ANO4: variants seen among roughly 807,000 people sequenced by gnomAD.
ANO4 encodes the protein anoctamin 4.
Under a neutral mutation model 141.9 loss-of-function variants are expected in ANO4, and 69 were observed. The observed-to-expected ratio is 0.49, with a 90% CI of 0.40 to 0.59. The LOEUF (loss-of-function observed/expected upper bound fraction) is 0.59. Ranked by LOEUF, ANO4 falls within the 20% of genes least tolerant of loss-of-function variation. ANO4 has a pLI of 0.00. For synonymous variants in ANO4, 350 were observed against 394.3 expected (o/e 0.89, Z 1.33); for missense variants, 894 against 1,162.2 (o/e 0.77, Z 3.36).
chr12:100,735,161 A>C (rs1321983425), intron 2 of ANO4, among the ~76,000 whole-genome samples: 2 of 152,188 alleles, frequency 1.3e-5, no homozygotes, highest in Non-Finnish European at 2.9e-5. Context: ...TTTGCCATGA[A>C]TGTACCTCGG....
At chr12:101,051,177 A>G (rs2047852764) in intron 14 of ANO4, among the ~76,000 whole-genome samples, 1 of 152,150 alleles carries the variant, frequency 6.6e-6, no homozygotes, top group African/African-American at 2.4e-5. Context: ...GTTTTATGTT[A>G]TAGATGACAA....
intron 24 of ANO4, among the ~76,000 whole-genome samples, chr12:101,113,287 T>A (rs1365896825): frequency 2.6e-5 from 4 of 152,196 alleles, no homozygotes; most frequent in Non-Finnish European, 4.4e-5. Flanking sequence ...AAATCTATCT[T>A]GTTTTAGGGG....
intron 1 of ANO4, among the ~76,000 whole-genome samples, chr12:100,814,188 T>C (rs7136399): frequency 0.036 from 5,449 of 152,270 alleles, 310 homozygotes; most frequent in African/African-American, 0.12. Context: ...AATTTTTTTG[T>C]GGTGCCTTAT....
intron 1 of ANO4, among the ~76,000 whole-genome samples, chr12:100,898,916 A>T (rs1435426374): frequency 1.3e-5 from 2 of 152,168 alleles, no homozygotes; most frequent in Middle Eastern, 3.4e-3. Flanking sequence ...ATTCTTCTGG[A>T]GTCTTGATGG....
chr12:100,987,447 T>C, intron 7 of ANO4, 92 bp from the exon 8 acceptor site: 1 of 1,484,980 alleles, frequency 6.7e-7, no homozygotes, highest in Non-Finnish European at 9.2e-7. Flanking sequence ...ATGTGTGGTA[T>C]GATAGTTGTG....
intron 8 of ANO4, among the ~76,000 whole-genome samples, chr12:100,994,944 T>G (rs2045302317): frequency 6.6e-6 from 1 of 152,144 alleles, no homozygotes; most frequent in Non-Finnish European, 1.5e-5. Flanking sequence ...GACTAGTGTC[T>G]AACGTGTAGA....
At chr12:100,807,185 G>A (rs900678225) in intron 1 of ANO4, among the ~76,000 whole-genome samples, 1 of 152,118 alleles carries the variant, frequency 6.6e-6, no homozygotes, top group African/African-American at 2.4e-5. Context: ...AACATTTCAG[G>A]CACGATGTGT....
At chr12:101,126,814 C>G in intron 26 of ANO4, 65 bp from the exon 27 acceptor site, 1 of 1,462,452 alleles carries the variant, frequency 6.8e-7, no homozygotes, top group Non-Finnish European at 9.4e-7. Context: ...CTTCTTCAGC[C>G]AACTCTCTAA....
chr12:100,899,999 A>G (rs969089971), intron 1 of ANO4, among the ~76,000 whole-genome samples: 21 of 152,190 alleles, frequency 1.4e-4, no homozygotes, highest in Non-Finnish European at 2.4e-4. Context: ...TCCAATACTT[A>G]AGACATACCT....
At position 100,736,797 on chromosome 12, in the gene ANO4, GAT is replaced by G. The variant is rs534364773; in HGVS notation, c.106+2943_106+2944del. ...AGAGCTGTGTGATGGCAGAGGCAGAGATATGAGTGATGCATCTCCAAGCCAAG... is the reference window on the plus strand; with the variant it reads ...AGAGCTGTGTGATGGCAGAGGCAGAGATGAGTGATGCATCTCCAAGCCAAG... On this transcript the variant is annotated intron_variant, in intron 2 of 29. Transcript: ENST00000644049. Among the ~76,000 whole-genome samples, 330 of 152,242 alleles carry G rather than the reference GAT, an allele frequency of 2.2e-3. 1 individual carries two copies. Among genetic ancestry groups the G allele is most frequent in the African/African-American group, 7.5e-3 (311 of 41,554 alleles).
At chr12:100,766,143 A>G (rs1291700059) in intron 3 of ANO4, among the ~76,000 whole-genome samples, 1 of 152,094 alleles carries the variant, frequency 6.6e-6, no homozygotes, top group African/African-American at 2.4e-5. Flanking sequence ...TGCTTGGCTT[A>G]TTTTACCTAG....
intron 10 of ANO4, among the ~76,000 whole-genome samples, chr12:101,039,510 A>T (rs1402452349): frequency 6.6e-6 from 1 of 152,234 alleles, no homozygotes; most frequent in Non-Finnish European, 1.5e-5. Flanking sequence ...GTCTCAAAAA[A>T]TAAACAAATA....
rs139974519 is a variant in ANO4 at position 101,080,497 on chromosome 12, G to A, written c.1395+1222G>A. 1.9e-3 allele frequency among the ~76,000 whole-genome samples: 291 copies of A among 152,072 alleles called. 4 individuals are homozygous for A. Among genetic ancestry groups the A allele is most frequent in the African/African-American group, 6.5e-3 (270 of 41,480 alleles). ...TATAAATATTCTCCAGGCCAGGTGC[G>A]GTTGCTCACACCTGTAATCCCAGCA... On this transcript the variant is annotated intron_variant, in intron 15 of 27. Transcript: ENST00000392977.
chr12:100,985,351 CAG>C (rs1255725333), intron 7 of ANO4, among the ~76,000 whole-genome samples: 3 of 152,114 alleles, frequency 2.0e-5, no homozygotes, highest in Non-Finnish European at 4.4e-5. Context: ...AAGAGAAAAA[CAG>C]TAATAATAGC....
intron 1 of ANO4, among the ~76,000 whole-genome samples, chr12:100,853,169 G>T (rs1378832054): frequency 6.6e-6 from 1 of 152,078 alleles, no homozygotes; most frequent in Non-Finnish European, 1.5e-5. Context: ...ATATGAAGAG[G>T]TTGTTTATAT....
rs188146182 is a variant in ANO4 at position 101,047,444 on chromosome 12, A to G, written c.1252-897A>G. 3.1e-3 allele frequency among the ~76,000 whole-genome samples: 476 copies of G among 152,292 alleles called. 3 individuals carry two copies. The highest frequency in any genetic ancestry group is 0.011 in the African/African-American group (458 of 41,556). ...TTTGAGTGCTGCCCATCTCTCCTCTATTCAAAGAAAGAGAAACTTCTGGAA... is the reference window on the plus strand; with the variant it reads ...TTTGAGTGCTGCCCATCTCTCCTCTGTTCAAAGAAAGAGAAACTTCTGGAA... On this transcript the variant is annotated intron_variant, in intron 13 of 27. Coordinates refer to ENST00000392977, the MANE Select transcript of ANO4 (RefSeq NM_001286615.2).
intron 15 of ANO4, among the ~76,000 whole-genome samples, chr12:101,082,141 G>A (rs182093403): frequency 6.6e-6 from 1 of 152,238 alleles, no homozygotes; most frequent in Non-Finnish European, 1.5e-5. Context: ...CCTGGTGGGA[G>A]GTAATTGAAT....
chr12:101,022,143 T>C (rs1387599855), intron 9 of ANO4, among the ~76,000 whole-genome samples: 4 of 151,934 alleles, frequency 2.6e-5, no homozygotes, highest in Non-Finnish European at 5.9e-5. Context: ...TGATTACAAC[T>C]GGAATATTAT....
chr12:100,818,766 T>A (rs952781920), intron 1 of ANO4, among the ~76,000 whole-genome samples: 7 of 151,896 alleles, frequency 4.6e-5, no homozygotes, highest in African/African-American at 1.7e-4. Context: ...CAGAGAACAT[T>A]TGACAATATC....
Sources: allele counts gnomAD v4.1 joint callset (sites outside exome capture counted in the v4.1 genomes callset), GRCh38; gene constraint gnomAD v4.1.1; transcripts MANE v1.5; gene names NCBI Gene and HGNC (gene_info 2026-07-23, HGNC 2026-07-21).